FNDC3B: variants seen among roughly 807,000 people sequenced by gnomAD.
The protein encoded by FNDC3B is fibronectin type III domain containing 3B.
A neutral mutation model predicts 151.5 loss-of-function variants in FNDC3B; 12 were observed. The ratio of observed to expected loss-of-function variants is 0.08; its 90% CI spans 0.05 to 0.13. The LOEUF (loss-of-function observed/expected upper bound fraction) is 0.13. Ranked by LOEUF, FNDC3B falls within the 10% of genes least tolerant of loss-of-function variation. The pLI, the probability that FNDC3B is intolerant of heterozygous loss-of-function variation, is 1.00. For missense variants in FNDC3B, 1,214 were observed against 1,505.3 expected (o/e 0.81, Z 3.20); for synonymous variants, 528 against 549.0 (o/e 0.96, Z 0.54).
intron 11 of FNDC3B, among the ~76,000 whole-genome samples, chr3:172,311,472 C>T (rs895956854): frequency 6.6e-6 from 1 of 152,108 alleles, no homozygotes. Flanking sequence ...CTCAAAGCCA[C>T]TGTGTGCCAA....
rs544736063 is a variant in FNDC3B, at chr3:172,213,979, A to G, written c.188-12892A>G. Among the ~76,000 whole-genome samples the G allele has an allele frequency of 7.1e-5, 10 of 140,006 alleles. No homozygotes were observed. In the South Asian group the frequency reaches 1.7e-3, roughly 24 times the overall value. 91.8% of individuals were successfully genotyped at this position (140,006 alleles called of 152,430 possible). ...AAAATTGCTTGTTTCTGTGGAGGCA[A>G]TGTGCCAAAATTAGAAGCATCTATG... On this transcript the variant is annotated intron_variant, in intron 3 of 25. Transcript: ENST00000415807.
At chr3:172,220,687 A>G (rs1269025130) in intron 3 of FNDC3B, among the ~76,000 whole-genome samples, 6 of 152,078 alleles carry the variant, frequency 3.9e-5, no homozygotes, top group Admixed American at 1.3e-4. Context: ...ATTTTTGTAT[A>G]TGATATGAGA....
At chr3:172,239,856 C>G (rs796836426) in intron 4 of FNDC3B, among the ~76,000 whole-genome samples, 1 of 49,926 alleles carries the variant, frequency 2.0e-5, no homozygotes, top group Non-Finnish European at 3.6e-5. Context: ...CATTTTAGTT[C>G]TTTTTTTTTT....
At chr3:172,218,700 T>C (rs1726121092) in intron 3 of FNDC3B, among the ~76,000 whole-genome samples, 1 of 152,200 alleles carries the variant, frequency 6.6e-6, no homozygotes, top group African/African-American at 2.4e-5. Flanking sequence ...CAGTAAAGTG[T>C]TGATCAGAGA....
intron 4 of FNDC3B, among the ~76,000 whole-genome samples, chr3:172,244,982 C>A (rs1169226877): frequency 6.6e-6 from 1 of 151,938 alleles, no homozygotes; most frequent in Non-Finnish European, 1.5e-5. Flanking sequence ...TTGGGTTTGT[C>A]AAGAACAGGT....
At chr3:172,375,597 T>G (rs916085806) in intron 23 of FNDC3B, among the ~76,000 whole-genome samples, 1 of 152,214 alleles carries the variant, frequency 6.6e-6, no homozygotes, top group Non-Finnish European at 1.5e-5. Context: ...AGAGCTCTTC[T>G]CCATGCCCCT....
chr3:172,155,989 GA>G (rs970462917), intron 3 of FNDC3B, among the ~76,000 whole-genome samples: 13 of 152,036 alleles, frequency 8.6e-5, no homozygotes, highest in African/African-American at 2.4e-4. Context: ...ACTGGAAAAA[GA>G]AAAAAAATTG....
At chr3:172,390,638 CA>C (rs2108389745) in intron 25 of FNDC3B, among the ~76,000 whole-genome samples, 1 of 151,550 alleles carries the variant, frequency 6.6e-6, no homozygotes, top group Non-Finnish European at 1.5e-5. Context: ...TGTAGCCATG[CA>C]AATTCTGGAA....
At chr3:172,240,053 A>G (rs917599544) in intron 4 of FNDC3B, among the ~76,000 whole-genome samples, 2 of 151,630 alleles carry the variant, frequency 1.3e-5, no homozygotes, top group African/African-American at 4.8e-5. Flanking sequence ...TTGTATTTTT[A>G]GTAGAGATGG....
chr3:172,297,554 A>G (rs1730682104), intron 8 of FNDC3B, among the ~76,000 whole-genome samples: 1 of 151,902 alleles, frequency 6.6e-6, no homozygotes, highest in African/African-American at 2.4e-5. Flanking sequence ...GGCTCACTGC[A>G]AGCTCCGCCT....
intron 3 of FNDC3B, among the ~76,000 whole-genome samples, chr3:172,145,816 T>C (rs1050009056): frequency 6.9e-4 from 103 of 149,944 alleles, no homozygotes; most frequent in African/African-American, 2.0e-3. Context: ...TCTTTCTTTT[T>C]TTTTTTTTTT....
intron 16 of FNDC3B, among the ~76,000 whole-genome samples, chr3:172,339,526 G>A (rs184727920): frequency 1.0e-3 from 159 of 152,252 alleles, no homozygotes; most frequent in African/African-American, 3.8e-3. Flanking sequence ...TCGCACCACT[G>A]CACTTAAGCC....
chr3:172,080,025 A>C (rs974321814), intron 1 of FNDC3B, among the ~76,000 whole-genome samples: 6 of 152,210 alleles, frequency 3.9e-5, no homozygotes, highest in African/African-American at 1.2e-4. Context: ...CTCAAAACAG[A>C]AAAATAAGGT....
chr3:172,124,130 G>A (rs865970909), intron 2 of FNDC3B, among the ~76,000 whole-genome samples: 1 of 151,550 alleles, frequency 6.6e-6, no homozygotes, highest in African/African-American at 2.4e-5. Context: ...TTGCTCTGTC[G>A]CCCAGGCTGG....
chr3:172,197,165 A>C (rs904059512), intron 3 of FNDC3B, among the ~76,000 whole-genome samples: 1 of 152,178 alleles, frequency 6.6e-6, no homozygotes, highest in Admixed American at 6.5e-5. Context: ...TGGGTGACAG[A>C]GTGAGACTCT....
chr3:172,218,220 T>G (rs1237448712), intron 3 of FNDC3B, among the ~76,000 whole-genome samples: 1 of 151,312 alleles, frequency 6.6e-6, no homozygotes. Context: ...CACCTAACTT[T>G]CCAAGATTTC....
chr3:172,263,447 C>A (rs774532355), intron 6 of FNDC3B, among the ~76,000 whole-genome samples: 1 of 152,082 alleles, frequency 6.6e-6, no homozygotes, highest in Non-Finnish European at 1.5e-5. Context: ...TTTAGTCTTT[C>A]AGGAAGATTT....
intron 15 of FNDC3B, among the ~76,000 whole-genome samples, chr3:172,336,486 A>T (rs554799507): frequency 1.3e-5 from 2 of 152,328 alleles, no homozygotes; most frequent in East Asian, 3.9e-4. Context: ...TTCACCTGGG[A>T]TGCTGGGATG....
At chr3:172,310,324 T>G (rs1731404648) in intron 10 of FNDC3B, among the ~76,000 whole-genome samples, 2 of 152,162 alleles carry the variant, frequency 1.3e-5, no homozygotes, top group Admixed American at 1.3e-4. Flanking sequence ...GGATCACATT[T>G]TTTCCCCATT....
Sources: gnomAD v4.1 joint callset for allele counts (sites outside exome capture counted in the v4.1 genomes callset) on GRCh38, gnomAD v4.1.1 for gene constraint, MANE v1.5 for transcripts, NCBI Gene and HGNC (gene_info 2026-07-23, HGNC 2026-07-21) for gene names.